NXPH1: variants seen among roughly 807,000 people sequenced by gnomAD.
The protein encoded by NXPH1 is neurexophilin 1.
A neutral mutation model predicts 23.7 loss-of-function variants in NXPH1; 5 were observed. The ratio of observed to expected loss-of-function variants is 0.21; its 90% confidence interval spans 0.11 to 0.44. The LOEUF is 0.44. Ranked by LOEUF, NXPH1 falls within the 20% of genes least tolerant of loss-of-function variation. NXPH1 has a pLI of 0.99. For synonymous variants in NXPH1, 144 were observed against 122.2 expected (o/e 1.18, Z -1.18); for missense variants, 324 against 321.6 (o/e 1.01, Z -0.06).
intron 2 of NXPH1, among the ~76,000 whole-genome samples, chr7:8,712,247 T>C (rs904416640): frequency 6.6e-6 from 1 of 152,244 alleles, no homozygotes; most frequent in Non-Finnish European, 1.5e-5. Context: ...TTTCTTTATG[T>C]TATTTTTTTC....
intron 2 of NXPH1, among the ~76,000 whole-genome samples, chr7:8,572,227 A>G (rs1405769567): frequency 6.6e-6 from 1 of 152,016 alleles, no homozygotes; most frequent in East Asian, 1.9e-4. Context: ...CCAATGCCCT[A>G]ATTATATTAA....
intron 2 of NXPH1, among the ~76,000 whole-genome samples, chr7:8,657,976 C>T (rs549282302): frequency 3.3e-5 from 5 of 152,182 alleles, no homozygotes; most frequent in African/African-American, 7.2e-5. Flanking sequence ...TGCAGTGAGC[C>T]GAGATCGTGC....
At chr7:8,486,011 G>A (rs1436392109) in intron 2 of NXPH1, among the ~76,000 whole-genome samples, 2 of 152,164 alleles carry the variant, frequency 1.3e-5, no homozygotes, top group Non-Finnish European at 2.9e-5. Flanking sequence ...GACTTATGAA[G>A]ATAAAATGCC....
At chr7:8,462,571 G>A (rs1019063978) in intron 2 of NXPH1, among the ~76,000 whole-genome samples, 1 of 152,162 alleles carries the variant, frequency 6.6e-6, no homozygotes, top group Non-Finnish European at 1.5e-5. Context: ...CAGGAAAGCT[G>A]GCTCCACAGA....
chr7:8,435,687 C>A lies in NXPH1; in HGVS notation c.-27C>A. ...AGGAACAAAGACTCAAAGAAGGCAC[C>A]GCCAAGGAAGTTTGAGACGCGGGAG... is the stretch of plus-strand genomic sequence containing the variant. On this transcript the variant is annotated 5_prime_UTR_variant, in exon 2 of 3. Coordinates refer to ENST00000405863, the MANE Select transcript of NXPH1 (RefSeq NM_152745.3). This position sits in a 1 kb window ranked among gnomAD's most constrained non-coding sequence, Gnocchi z 5.9. The A allele has an allele frequency of 1.2e-6, 2 of 1,612,146 alleles. No individual in the cohort carries two copies. The highest frequency in any genetic ancestry group is 1.7e-6 in the Non-Finnish European group (2 of 1,178,248).
rs144374297 is a variant in NXPH1 at position 8,662,852 on chromosome 7, G to C, written c.55-88156G>C. ...GTTTCTTAAATATATTTTAAAATAC[G>C]TGTCATTATTCAATGCTTGGAAGAT... On this transcript the variant is annotated intron_variant, in intron 2 of 2. Transcript: ENST00000405863. Among the ~76,000 whole-genome samples, 2 of 152,030 alleles carry C rather than the reference G, an allele frequency of 1.3e-5. 1 individual carries two copies. The highest frequency in any genetic ancestry group is 4.1e-4 in the South Asian group (2 of 4,830).
chr7:8,580,863 A>T (rs945440913), intron 2 of NXPH1, among the ~76,000 whole-genome samples: 1 of 152,152 alleles, frequency 6.6e-6, no homozygotes, highest in Non-Finnish European at 1.5e-5. Context: ...GAAATATTTT[A>T]ACATCTGGAA....
intron 2 of NXPH1, among the ~76,000 whole-genome samples, chr7:8,744,107 T>C (rs750730568): frequency 6.6e-6 from 1 of 152,240 alleles, no homozygotes. Flanking sequence ...GCTTGGTCTT[T>C]GTTTAATGTT....
intron 2 of NXPH1, among the ~76,000 whole-genome samples, chr7:8,454,417 A>G (rs1399618646): frequency 1.3e-5 from 2 of 152,164 alleles, no homozygotes; most frequent in African/African-American, 2.4e-5. Flanking sequence ...GGTCTGAGAC[A>G]AAGCATTTAT....
At chr7:8,728,176 T>A (rs563793542) in intron 2 of NXPH1, among the ~76,000 whole-genome samples, 3 of 152,000 alleles carry the variant, frequency 2.0e-5, no homozygotes, top group Admixed American at 6.6e-5. Context: ...TGTGATTTTT[T>A]TACTTTGATT....
chr7:8,637,626 T>C (rs1366357381), intron 2 of NXPH1, among the ~76,000 whole-genome samples: 1 of 152,186 alleles, frequency 6.6e-6, no homozygotes, highest in African/African-American at 2.4e-5. Context: ...AGCTCCTTTT[T>C]ATTTTTAGAT....
At chr7:8,717,737 C>T (rs4141002) in intron 2 of NXPH1, among the ~76,000 whole-genome samples, 15,706 of 152,018 alleles carry the variant, frequency 0.1, 930 homozygotes, top group South Asian at 0.17. Context: ...TTTCTACCAC[C>T]TGTGAATATA....
intron 2 of NXPH1, among the ~76,000 whole-genome samples, chr7:8,556,065 G>A (rs1387546568): frequency 4.0e-5 from 6 of 151,630 alleles, no homozygotes; most frequent in African/African-American, 1.2e-4. Flanking sequence ...AGTTGTATTC[G>A]TCCTTCTTCC....
At chr7:8,633,041 A>G (rs1324856548) in intron 2 of NXPH1, among the ~76,000 whole-genome samples, 1 of 152,230 alleles carries the variant, frequency 6.6e-6, no homozygotes. Context: ...AAATTTTACA[A>G]ATATTATCAG....
chr7:8,670,557 C>T (rs1024735612), intron 2 of NXPH1, among the ~76,000 whole-genome samples: 3 of 151,472 alleles, frequency 2.0e-5, no homozygotes, highest in Non-Finnish European at 4.4e-5. Context: ...CTTTTGTCCC[C>T]TCCCTTCCTT....
At chr7:8,453,647 G>C (rs1816543168) in intron 2 of NXPH1, among the ~76,000 whole-genome samples, 1 of 152,094 alleles carries the variant, frequency 6.6e-6, no homozygotes, top group Admixed American at 6.6e-5. Flanking sequence ...TCAGAAGTGA[G>C]TAATTCCTCT....
intron 2 of NXPH1, among the ~76,000 whole-genome samples, chr7:8,723,388 C>A (rs889272123): frequency 6.6e-6 from 1 of 152,258 alleles, no homozygotes; most frequent in South Asian, 2.1e-4. Flanking sequence ...AACTTTCTTG[C>A]CACTAAGAGA....
chr7:8,509,077 A>G (rs1457570574), intron 2 of NXPH1, among the ~76,000 whole-genome samples: 3 of 152,104 alleles, frequency 2.0e-5, no homozygotes, highest in African/African-American at 7.2e-5. Context: ...CATGAAGTAA[A>G]AATTCTAACA....
chr7:8,576,055 A>T (rs1818748466), intron 2 of NXPH1, among the ~76,000 whole-genome samples: 1 of 152,172 alleles, frequency 6.6e-6, no homozygotes, highest in African/African-American at 2.4e-5. Context: ...GATTGTCCAG[A>T]ATAGCTTCTA....
Sources: allele counts gnomAD v4.1 joint callset (sites outside exome capture counted in the v4.1 genomes callset), GRCh38; gene constraint gnomAD v4.1.1; non-coding constraint Gnocchi (gnomAD v3.1); transcripts MANE v1.5; gene names NCBI Gene and HGNC (gene_info 2026-07-23, HGNC 2026-07-21).